Variants in PEPD observed in about 807,000 individuals in gnomAD.
The protein encoded by PEPD is peptidase D, also known as xaa-Pro dipeptidase.
A neutral mutation model predicts 60.7 loss-of-function variants in PEPD; 53 were observed. That is an observed-to-expected ratio of 0.87 (90% CI 0.70 to 1.10). The LOEUF is 1.10. PEPD is among the 50% of genes least tolerant of loss of function. PEPD has a pLI of 0.00. For missense variants in PEPD, 711 were observed against 711.9 expected, an observed-to-expected ratio of 1.00 and a Z score of 0.01; for synonymous variants, 267 against 284.1, an observed-to-expected ratio of 0.94 and a Z score of 0.60.
intron 1 of PEPD, among the ~76,000 whole-genome samples, chr19:33,513,602 G>A (rs950137072): frequency 2.0e-5 from 3 of 152,112 alleles, no homozygotes; most frequent in Non-Finnish European, 4.4e-5. Flanking sequence ...CAACTTCCCC[G>A]TGGCCTGGTC....
intron 3 of PEPD, 107 bp downstream of exon 3, chr19:33,510,921 C>T (rs1290193146): frequency 1.7e-6 from 2 of 1,183,054 alleles, no homozygotes; most frequent in African/African-American, 3.0e-5. Flanking sequence ...TGCAGCTCTT[C>T]CCTCCTCCCC....
intron 9 of PEPD, among the ~76,000 whole-genome samples, chr19:33,443,357 G>A (rs1449259070): frequency 2.0e-5 from 3 of 152,088 alleles, no homozygotes; most frequent in Admixed American, 1.3e-4. Flanking sequence ...TTCCACTTTG[G>A]GGAGAATGTG....
rs532282618 is a variant in PEPD, at chr19:33,438,987, T to A, written c.671+24008A>T. On this transcript the variant is annotated intron_variant, in intron 9 of 14. Transcript: ENST00000244137. Reference sequence around the variant, plus strand: ...CACCTGCCTTGGCCTCCCAAAGTGCTGGGACATAAGAGACAGGTGGCGTGC... The same window carrying A: ...CACCTGCCTTGGCCTCCCAAAGTGCAGGGACATAAGAGACAGGTGGCGTGC... Among the ~76,000 whole-genome samples the A allele has an allele frequency of 5.2e-4, 79 of 152,358 alleles. 1 individual carries two copies. The South Asian group carries it at 0.016, about 30-fold the overall frequency.
intron 9 of PEPD, among the ~76,000 whole-genome samples, chr19:33,424,853 G>T (rs1182138573): frequency 6.6e-6 from 1 of 152,122 alleles, no homozygotes; most frequent in Non-Finnish European, 1.5e-5. Flanking sequence ...CGAACCAGTG[G>T]AAGGGGTTTC....
intron 12 of PEPD, among the ~76,000 whole-genome samples, chr19:33,397,834 C>T (rs1968402197): frequency 6.6e-6 from 1 of 152,208 alleles, no homozygotes; most frequent in Non-Finnish European, 1.5e-5. Flanking sequence ...CCAGGCAGCA[C>T]CACGGGATGG....
intron 7 of PEPD, among the ~76,000 whole-genome samples, chr19:33,471,952 G>A (rs1427019463): frequency 2.6e-5 from 4 of 152,064 alleles, no homozygotes; most frequent in South Asian, 2.1e-4. Context: ...ACCTGAGGTC[G>A]GAAGTTCAAG....
chr19:33,504,252 T>C (rs1170801685), intron 3 of PEPD, among the ~76,000 whole-genome samples: 1 of 152,168 alleles, frequency 6.6e-6, no homozygotes, highest in Non-Finnish European at 1.5e-5. Flanking sequence ...AGCCATGATT[T>C]GGTGGGGTTG....
At chr19:33,435,460 G>T (rs1262130956) in intron 9 of PEPD, among the ~76,000 whole-genome samples, 2 of 152,252 alleles carry the variant, frequency 1.3e-5, no homozygotes, top group Non-Finnish European at 2.9e-5. Flanking sequence ...CCTCGGCAGG[G>T]ACAGGTGCCA....
At chr19:33,506,148 AC>A (rs1409482344) in intron 3 of PEPD, among the ~76,000 whole-genome samples, 1 of 140,502 alleles carries the variant, frequency 7.1e-6, no homozygotes, top group African/African-American at 2.7e-5. Flanking sequence ...ACAACACAGC[AC>A]ATTCACACCC....
chr19:33,428,898 G>A (rs1241281813), intron 9 of PEPD, among the ~76,000 whole-genome samples: 2 of 152,202 alleles, frequency 1.3e-5, no homozygotes, highest in Non-Finnish European at 2.9e-5. Context: ...ACACATACAT[G>A]CACATATGCA....
chr19:33,480,591 T>C (rs1055618307), intron 6 of PEPD, among the ~76,000 whole-genome samples: 1 of 152,060 alleles, frequency 6.6e-6, no homozygotes, highest in African/African-American at 2.4e-5. Flanking sequence ...GGTCAGGAGA[T>C]CCAGACCATC....
chr19:33,389,513 C>T (rs1042309866), intron 13 of PEPD, among the ~76,000 whole-genome samples: 3 of 152,204 alleles, frequency 2.0e-5, no homozygotes, highest in African/African-American at 7.2e-5. Flanking sequence ...ACCCCACCGC[C>T]GCCCATCCCT....
At chr19:33,476,021 G>A (rs1301571057) in intron 7 of PEPD, among the ~76,000 whole-genome samples, 2 of 152,098 alleles carry the variant, frequency 1.3e-5, no homozygotes, top group African/African-American at 2.4e-5. Context: ...TGCCGTGTTA[G>A]GCTAATTTTT....
chr19:33,402,426 T>G (rs1000661300), intron 11 of PEPD, among the ~76,000 whole-genome samples: 3 of 152,124 alleles, frequency 2.0e-5, no homozygotes, highest in Admixed American at 1.3e-4. Context: ...CACCACCTGC[T>G]TCTTCCAGGA....
intron 9 of PEPD, among the ~76,000 whole-genome samples, chr19:33,432,010 A>AAAAAAAAAAAAAAAAAC (rs1031542443): frequency 1.4e-5 from 2 of 147,514 alleles, no homozygotes; most frequent in African/African-American, 5.1e-5. Context: ...AAAAAAAAAA[A>AAAAAAAAAAAAAAAAAC]GGGAAGATTA....
At chr19:33,462,351 C>T (rs1223508127) in intron 9 of PEPD, among the ~76,000 whole-genome samples, 1 of 152,216 alleles carries the variant, frequency 6.6e-6, no homozygotes, top group African/African-American at 2.4e-5. Context: ...GAATGGGGGC[C>T]TCCTGCCCCA....
chr19:33,423,101 A>ATCCATCCATCCATCCT (rs1242407221), intron 9 of PEPD, among the ~76,000 whole-genome samples: 1 of 151,236 alleles, frequency 6.6e-6, no homozygotes, highest in Non-Finnish European at 1.5e-5. Context: ...CTTATCATCC[A>ATCCATCCATCCATCCT]TCCATCCATC....
chr19:33,411,818 T>C, intron 10 of PEPD, 69 bp from the exon 11 acceptor site: 1 of 931,546 alleles, frequency 1.1e-6, no homozygotes, highest in Non-Finnish European at 1.7e-6. Context: ...AGGGGGTGGA[T>C]GCTCGATCCC....
chr19:33,459,542 C>A (rs1278481089), intron 9 of PEPD, among the ~76,000 whole-genome samples: 1 of 152,178 alleles, frequency 6.6e-6, no homozygotes, highest in Non-Finnish European at 1.5e-5. Context: ...ATTTACCCAA[C>A]ACGGACGTCT....
Sources: gnomAD v4.1 joint callset for allele counts (sites outside exome capture counted in the v4.1 genomes callset) on GRCh38, gnomAD v4.1.1 for gene constraint, MANE v1.5 for transcripts, NCBI Gene and HGNC (gene_info 2026-07-23, HGNC 2026-07-21) for gene names.